Variants in BORCS5 observed in about 807,000 individuals in gnomAD.
BORCS5 encodes the protein BLOC-1-related complex subunit 5.
BORCS5 carries 17 observed loss-of-function variants against 22.1 expected under a neutral mutation model. That is an observed-to-expected ratio of 0.77 (90% CI 0.53 to 1.15). BORCS5 has a LOEUF of 1.15. Among genes scored for constraint, BORCS5 ranks in the 50% most tolerant of loss-of-function variants. The pLI is 0.00. For missense variants in BORCS5, 247 were observed against 253.2 expected (o/e 0.98, Z 0.17); for synonymous variants, 117 against 99.8 (o/e 1.17, Z -1.03).
At chr12:12,464,610 G>A (rs1943166168) in intron 3 of BORCS5, among the ~76,000 whole-genome samples, 1 of 152,160 alleles carries the variant, frequency 6.6e-6, no homozygotes. Context: ...GAAACAAGGG[G>A]TGAGGGGGTG....
At chr12:12,392,129 G>T (rs1159225338) in intron 2 of BORCS5, among the ~76,000 whole-genome samples, 1 of 150,884 alleles carries the variant, frequency 6.6e-6, no homozygotes, top group Non-Finnish European at 1.5e-5. Context: ...AAGTTAAAGG[G>T]ATTTCTGCAC....
intron 3 of BORCS5, among the ~76,000 whole-genome samples, chr12:12,445,125 C>G (rs997877658): frequency 6.6e-6 from 1 of 152,154 alleles, no homozygotes; most frequent in Non-Finnish European, 1.5e-5. Flanking sequence ...CTTCCGGTAG[C>G]CTCAAACTCC....
At chr12:12,441,147 C>T (rs190329470) in intron 3 of BORCS5, among the ~76,000 whole-genome samples, 185 of 152,240 alleles carry the variant, frequency 1.2e-3, no homozygotes, top group Non-Finnish European at 2.0e-3. Context: ...TGGCACAGAT[C>T]GGTCACACCC....
chr12:12,357,378 C>T lies in BORCS5; in HGVS notation c.-74C>T, dbSNP rs1863164729. 3 of 1,562,896 alleles carry T rather than the reference C, an allele frequency of 1.9e-6. No individual in the cohort carries two copies. The highest frequency in any genetic ancestry group is 2.3e-5 in the East Asian group (1 of 43,086). ...TGCCTCCCCGTCCCGGTCCCTGGCCCCTGCCCTGTCGCCCGCCGCCGGAGC... is the reference window on the plus strand; with the variant it reads ...TGCCTCCCCGTCCCGGTCCCTGGCCTCTGCCCTGTCGCCCGCCGCCGGAGC... On this transcript the variant is annotated 5_prime_UTR_variant, in exon 1 of 4. Transcript: ENST00000314565.
chr12:12,424,275 TACTCATTATTC>T (rs1464851667), intron 2 of BORCS5, among the ~76,000 whole-genome samples: 2 of 151,106 alleles, frequency 1.3e-5, no homozygotes, highest in East Asian at 3.8e-4. Flanking sequence ...GTATTCATTG[TACTCATTATTC>T]ACTCATTCTT....
intron 2 of BORCS5, among the ~76,000 whole-genome samples, chr12:12,386,166 AATTTTTGT>A (rs1565852769): frequency 1.3e-5 from 2 of 150,264 alleles, no homozygotes; most frequent in Non-Finnish European, 3.0e-5. Context: ...ATGCCTGGCT[AATTTTTGT>A]ATTTTTAGTA....
intron 2 of BORCS5, among the ~76,000 whole-genome samples, chr12:12,429,487 A>C (rs1942368854): frequency 6.6e-6 from 1 of 152,212 alleles, no homozygotes; most frequent in Non-Finnish European, 1.5e-5. Context: ...CTATGAGTCA[A>C]GGAAGCACAT....
At chr12:12,452,611 C>T (rs942824455) in intron 3 of BORCS5, 1 of 325,600 alleles carries the variant, frequency 3.1e-6, no homozygotes, top group African/African-American at 2.2e-5. Context: ...AGAGTTTATT[C>T]TTACAGGCTG....
chr12:12,369,502 A>G (rs918549633), intron 2 of BORCS5, among the ~76,000 whole-genome samples: 167 of 151,592 alleles, frequency 1.1e-3, no homozygotes, highest in African/African-American at 3.9e-3. Context: ...GCTTCCTTGC[A>G]TTACAAAAAT....
At chr12:12,370,391 G>T (rs1863500170) in intron 2 of BORCS5, among the ~76,000 whole-genome samples, 1 of 151,904 alleles carries the variant, frequency 6.6e-6, no homozygotes, top group Non-Finnish European at 1.5e-5. Flanking sequence ...TCATTTTTTG[G>T]TGTAATTACT....
intron 2 of BORCS5, among the ~76,000 whole-genome samples, chr12:12,415,243 C>T (rs1275663138): frequency 4.0e-5 from 6 of 151,174 alleles, no homozygotes; most frequent in South Asian, 2.1e-4. Context: ...CGCCACTGCA[C>T]TCCAGCCTGG....
chr12:12,379,715 G>C (rs1258226324), intron 2 of BORCS5, among the ~76,000 whole-genome samples: 1 of 151,368 alleles, frequency 6.6e-6, no homozygotes, highest in Non-Finnish European at 1.5e-5. Flanking sequence ...TCAGTGGAAT[G>C]TTGGAGCTAG....
rs574521220 is a variant in BORCS5 at position 12,405,330 on chromosome 12, A to G, written c.203-30298A>G. Among the ~76,000 whole-genome samples, 10 of 152,340 alleles carry G rather than the reference A, an allele frequency of 6.6e-5. No individual in the cohort carries two copies. In the South Asian group the frequency reaches 1.7e-3, roughly 25 times the overall value. On this transcript the variant is annotated intron_variant, in intron 2 of 3. Transcript: ENST00000314565. Reference sequence around the variant, plus strand: ...AACTCCTCAAGTAAGTTGCCAAATCATTGACACTAGAATTTTAAGAATTGG... The same window carrying G: ...AACTCCTCAAGTAAGTTGCCAAATCGTTGACACTAGAATTTTAAGAATTGG...
In BORCS5 at chr12:12,468,246, C is replaced by T. The variant is rs1288885239; in HGVS notation, c.*2470C>T. ...CCTAGTGGTTCTTTTCTGATGGAAC[C>T]TCTGACTGGTAACATGGCATTACCA... is the stretch of plus-strand genomic sequence containing the variant. On this transcript the variant is annotated 3_prime_UTR_variant, in exon 4 of 4. Transcript: ENST00000314565. 6.6e-6 allele frequency: 1 copy of T among 152,166 alleles called. No individual in the cohort carries two copies. The highest frequency in any genetic ancestry group is 1.5e-5 in the Non-Finnish European group (1 of 68,038). 9.4% of individuals were successfully genotyped at this position (152,166 alleles called of 1,614,324 possible).
intron 2 of BORCS5, among the ~76,000 whole-genome samples, chr12:12,410,437 C>G (rs1316875673): frequency 6.6e-6 from 1 of 152,184 alleles, no homozygotes; most frequent in East Asian, 1.9e-4. Context: ...TTTCAGCTTT[C>G]TACATATGGC....
chr12:12,359,510 T>C (rs1863227327), intron 1 of BORCS5, among the ~76,000 whole-genome samples: 3 of 151,868 alleles, frequency 2.0e-5, no homozygotes, highest in Admixed American at 6.6e-5. Context: ...TACAGGGACA[T>C]GCCACCACGC....
chr12:12,385,865 A>G (rs1037249327), intron 2 of BORCS5, among the ~76,000 whole-genome samples: 1 of 151,326 alleles, frequency 6.6e-6, no homozygotes, highest in Non-Finnish European at 1.5e-5. Flanking sequence ...CCATTGGTTG[A>G]TTTTCCAAAC....
chr12:12,391,866 TAAA>T (rs751674760), intron 2 of BORCS5, among the ~76,000 whole-genome samples: 11 of 64,340 alleles, frequency 1.7e-4, no homozygotes, highest in African/African-American at 2.5e-4. Context: ...ACCCCGTCAC[TAAA>T]AAAAAAAAAA....
chr12:12,438,374 A>AAAAAAAAAAAAAAAACAAAAAAC (rs1555156024), intron 3 of BORCS5, among the ~76,000 whole-genome samples: 1 of 125,046 alleles, frequency 8.0e-6, no homozygotes, highest in Non-Finnish European at 1.6e-5. Context: ...AAAAAAAAAA[A>AAAAAAAAAAAAAAAACAAAAAAC]AAAAAACGAA....
Sources: allele counts gnomAD v4.1 joint callset (sites outside exome capture counted in the v4.1 genomes callset), GRCh38; gene constraint gnomAD v4.1.1; transcripts MANE v1.5; gene names NCBI Gene and HGNC (gene_info 2026-07-23, HGNC 2026-07-21).